PITPNC1: variants seen among roughly 807,000 people sequenced by gnomAD.
PITPNC1 encodes cytoplasmic phosphatidylinositol transfer protein 1.
A neutral mutation model predicts 44.7 loss-of-function variants in PITPNC1; 18 were observed. The ratio of observed to expected loss-of-function variants is 0.40; its 90% CI spans 0.28 to 0.60. The LOEUF is 0.60. Among genes scored for constraint, PITPNC1 ranks in the 20% least tolerant of loss-of-function variants. The pLI, the probability that PITPNC1 is intolerant of heterozygous loss-of-function variation, is 0.39. For missense variants in PITPNC1, 290 were observed against 418.4 expected, an observed-to-expected ratio of 0.69 and a Z score of 2.68; for synonymous variants, 141 against 149.6, an observed-to-expected ratio of 0.94 and a Z score of 0.42.
rs549403966 is a variant in PITPNC1 at position 67,579,677 on chromosome 17, G to A, written c.366+1420G>A. Among the ~76,000 whole-genome samples, 6 of 127,622 alleles carry A rather than the reference G, an allele frequency of 4.7e-5. No homozygotes were observed. In the East Asian group the frequency reaches 9.3e-4, roughly 20 times the overall value. The allele number at this position is 127,622 out of a possible 152,430, so 83.7% of individuals were successfully genotyped here. A position where few individuals can be genotyped will look rare whatever the true frequency, so the allele number is the denominator to read the frequency against. On this transcript the variant is annotated intron_variant, in intron 5 of 8. Transcript: ENST00000581322. ...AAGCAGCCTGGGCGCGGTAGCTCAC[G>A]CCTGTAATCCTAGCATGTTGGGAGG...
chr17:67,539,982 A>T (rs1309582473), intron 2 of PITPNC1, among the ~76,000 whole-genome samples: 1 of 152,160 alleles, frequency 6.6e-6, no homozygotes, highest in African/African-American at 2.4e-5. Flanking sequence ...GCACCAAAAC[A>T]TGGAGAAACC....
chr17:67,445,568 C>A (rs1215079726), intron 1 of PITPNC1, among the ~76,000 whole-genome samples: 1 of 151,946 alleles, frequency 6.6e-6, no homozygotes, highest in Admixed American at 6.6e-5. Context: ...CCTTTAGTAG[C>A]AAAAGGAATT....
chr17:67,453,155 G>A (rs917718693), intron 1 of PITPNC1, among the ~76,000 whole-genome samples: 1 of 152,286 alleles, frequency 6.6e-6, no homozygotes, highest in East Asian at 1.9e-4. Flanking sequence ...GGTTTGTTGA[G>A]TGAATGAGCA....
chr17:67,621,531 A>G (rs2041830444), intron 5 of PITPNC1, among the ~76,000 whole-genome samples: 1 of 152,106 alleles, frequency 6.6e-6, no homozygotes, highest in African/African-American at 2.4e-5. Context: ...TTAGTACTTT[A>G]GTAATATATG....
intron 1 of PITPNC1, among the ~76,000 whole-genome samples, chr17:67,437,967 G>T (rs1213193623): frequency 6.6e-6 from 1 of 151,996 alleles, no homozygotes; most frequent in Non-Finnish European, 1.5e-5. Context: ...TGCTGGGGAG[G>T]CCAAGGCAGA....
chr17:67,629,316 A>G (rs2041936859), intron 5 of PITPNC1, among the ~76,000 whole-genome samples: 1 of 147,486 alleles, frequency 6.8e-6, no homozygotes, highest in Admixed American at 6.8e-5. Context: ...TCTGTCGACC[A>G]GGCTGGAGTG....
chr17:67,604,517 T>G (rs1231471569), intron 5 of PITPNC1, among the ~76,000 whole-genome samples: 1 of 152,244 alleles, frequency 6.6e-6, no homozygotes, highest in Non-Finnish European at 1.5e-5. Flanking sequence ...GCACGGTCAC[T>G]CACGCCTGTA....
intron 5 of PITPNC1, among the ~76,000 whole-genome samples, chr17:67,581,105 G>T (rs1178038637): frequency 1.3e-5 from 2 of 152,200 alleles, no homozygotes; most frequent in Non-Finnish European, 2.9e-5. Context: ...AGATTGGTGG[G>T]ACCACTGTAA....
At chr17:67,641,017 T>G (rs2042087631) in intron 6 of PITPNC1, among the ~76,000 whole-genome samples, 1 of 151,862 alleles carries the variant, frequency 6.6e-6, no homozygotes, top group Non-Finnish European at 1.5e-5. Context: ...ATGATCTGGT[T>G]GGGAGGATAT....
intron 2 of PITPNC1, among the ~76,000 whole-genome samples, chr17:67,539,505 TTCA>T (rs1156372661): frequency 6.6e-6 from 1 of 152,100 alleles, no homozygotes; most frequent in African/African-American, 2.4e-5. Flanking sequence ...TTTGATAAAT[TTCA>T]AATGCACATC....
At chr17:67,405,251 A>C (rs1395492461) in intron 1 of PITPNC1, among the ~76,000 whole-genome samples, 1 of 151,874 alleles carries the variant, frequency 6.6e-6, no homozygotes, top group Non-Finnish European at 1.5e-5. Context: ...CGTTTAAAAA[A>C]AAAAAAATTC....
intron 6 of PITPNC1, among the ~76,000 whole-genome samples, chr17:67,635,843 G>T (rs1463136896): frequency 1.3e-5 from 2 of 152,212 alleles, no homozygotes; most frequent in Admixed American, 1.3e-4. Flanking sequence ...CGCTGGAGCA[G>T]TTCTCAACTG....
intron 6 of PITPNC1, 164 bp downstream of exon 6, chr17:67,632,402 C>T (rs761300177): frequency 4.4e-5 from 27 of 608,818 alleles, no homozygotes; most frequent in Admixed American, 1.1e-4. Context: ...AATTAAGTCT[C>T]TAACTCTTCA....
At position 67,471,058 on chromosome 17, in the gene PITPNC1, A is replaced by G. The variant is rs2039519171; in HGVS notation, c.49-61744A>G. Among the ~76,000 whole-genome samples the G allele has an allele frequency of 2.4e-5, 3 of 123,720 alleles. No individual in the cohort carries two copies. In the Admixed American group the frequency reaches 2.5e-4, roughly 10 times the overall value. The allele number at this position is 123,720 out of a possible 152,430, so 81.2% of individuals were successfully genotyped here. A position where few individuals can be genotyped will look rare whatever the true frequency, so the allele number is the denominator to read the frequency against. On this transcript the variant is annotated intron_variant, in intron 1 of 8. Transcript: ENST00000581322. The stretch of plus-strand genomic sequence containing the variant: ...CTAATCTCAAGTAATCAGGGACACA[A>G]ACACTGCGGAAGGCCGCAGGGTCCT...
intron 1 of PITPNC1, among the ~76,000 whole-genome samples, chr17:67,497,132 G>A (rs2039962455): frequency 6.6e-6 from 1 of 152,004 alleles, no homozygotes; most frequent in African/African-American, 2.4e-5. Flanking sequence ...GTAAGAGCCT[G>A]ACGTTAAAAA....
intron 1 of PITPNC1, among the ~76,000 whole-genome samples, chr17:67,466,730 G>GGACC (rs1300375608): frequency 1.3e-5 from 2 of 152,164 alleles, no homozygotes; most frequent in Non-Finnish European, 1.5e-5. Flanking sequence ...GGTTTGAACA[G>GGACC]GACCCTCTGG....
intron 1 of PITPNC1, among the ~76,000 whole-genome samples, chr17:67,380,184 C>T (rs1286286443): frequency 6.6e-6 from 1 of 151,930 alleles, no homozygotes; most frequent in Non-Finnish European, 1.5e-5. Flanking sequence ...AAGCAATTCT[C>T]CTGCCTCAGC....
intron 1 of PITPNC1, among the ~76,000 whole-genome samples, chr17:67,459,071 T>C (rs1374057373): frequency 6.6e-6 from 1 of 151,800 alleles, no homozygotes; most frequent in Non-Finnish European, 1.5e-5. Context: ...AAGTATTTCT[T>C]TGAAGATCCT....
intron 3 of PITPNC1, 67 bp downstream of exon 3, chr17:67,552,412 C>T: frequency 1.1e-6 from 1 of 873,564 alleles, no homozygotes; most frequent in Non-Finnish European, 2.0e-6. Flanking sequence ...TTGAATTTCA[C>T]TGATTTACAG....
Sources: allele counts gnomAD v4.1 joint callset (sites outside exome capture counted in the v4.1 genomes callset), GRCh38; gene constraint gnomAD v4.1.1; transcripts MANE v1.5; gene names NCBI Gene and HGNC (gene_info 2026-07-23, HGNC 2026-07-21).